The following LRP1B variants were observed in gnomAD, a reference collection of about 807,000 sequenced individuals.
LRP1B encodes the protein LDL receptor related protein 1B.
Under a neutral mutation model 556.6 loss-of-function variants are expected in LRP1B, and 217 were observed. That is an observed-to-expected ratio of 0.39 (90% CI 0.35 to 0.44). The LOEUF (loss-of-function observed/expected upper bound fraction) is 0.44, where lower values mean the gene tolerates loss of function less well. Among genes scored for constraint, LRP1B ranks in the 20% least tolerant of loss-of-function variants. LRP1B has a pLI of 1.00. For synonymous variants in LRP1B, 2,047 were observed against 1,865.8 expected (o/e 1.10, Z -2.50); for missense variants, 5,053 against 5,620.8 (o/e 0.90, Z 3.23).
chr2:141,692,298 C>G (rs554749998), intron 2 of LRP1B, among the ~76,000 whole-genome samples: 2 of 151,904 alleles, frequency 1.3e-5, no homozygotes, highest in Non-Finnish European at 2.9e-5. Context: ...TGATCTGGGC[C>G]CTTTTCCATC....
chr2:140,653,317 T>A (rs1310307642), intron 41 of LRP1B, among the ~76,000 whole-genome samples: 1 of 152,102 alleles, frequency 6.6e-6, no homozygotes, highest in Admixed American at 6.5e-5. Context: ...CTTGAATATT[T>A]CAGGATAAGG....
chr2:141,775,604 G>T (rs1014934813), intron 2 of LRP1B, among the ~76,000 whole-genome samples: 1 of 152,056 alleles, frequency 6.6e-6, no homozygotes, highest in African/African-American at 2.4e-5. Context: ...GCACTTGAGG[G>T]TTATTACCTG....
chr2:141,105,944 G>A (rs867791102), intron 7 of LRP1B, among the ~76,000 whole-genome samples: 2 of 152,214 alleles, frequency 1.3e-5, no homozygotes, highest in Middle Eastern at 3.4e-3. Context: ...CACCTTGAGA[G>A]CAGTGAAAGT....
chr2:140,575,741 A>T (rs1574096248), intron 43 of LRP1B, among the ~76,000 whole-genome samples: 1 of 151,946 alleles, frequency 6.6e-6, no homozygotes, highest in Non-Finnish European at 1.5e-5. Context: ...CCTGGCCAAC[A>T]TAGTGAAACC....
intron 3 of LRP1B, among the ~76,000 whole-genome samples, chr2:141,462,134 G>A (rs950831447): frequency 5.9e-5 from 9 of 152,086 alleles, no homozygotes; most frequent in African/African-American, 2.2e-4. Flanking sequence ...CATACAATGT[G>A]TTGTCTTTTA....
intron 35 of LRP1B, among the ~76,000 whole-genome samples, chr2:140,731,278 G>C (rs1217632772): frequency 6.6e-6 from 1 of 152,122 alleles, no homozygotes; most frequent in Non-Finnish European, 1.5e-5. Flanking sequence ...AGTTGACTGA[G>C]ATGGGCTCTC....
chr2:141,030,557 C>T (rs1473087118), intron 11 of LRP1B, among the ~76,000 whole-genome samples: 4 of 152,008 alleles, frequency 2.6e-5, no homozygotes, highest in Non-Finnish European at 1.5e-5. Flanking sequence ...ATTTTTATAA[C>T]AAAGATAAAA....
At chr2:142,082,565 G>C (rs1327433324) in intron 1 of LRP1B, among the ~76,000 whole-genome samples, 2 of 152,158 alleles carry the variant, frequency 1.3e-5, no homozygotes, top group East Asian at 3.9e-4. Context: ...TCGTGTCCCA[G>C]GTGGCGCAGC....
At chr2:140,893,016 G>A (rs1235793449) in intron 23 of LRP1B, among the ~76,000 whole-genome samples, 1 of 152,108 alleles carries the variant, frequency 6.6e-6, no homozygotes, top group Non-Finnish European at 1.5e-5. Context: ...AGGAAGAGGG[G>A]TAGGCTTTCG....
intron 1 of LRP1B, among the ~76,000 whole-genome samples, chr2:141,920,051 T>C (rs1700142103): frequency 6.6e-6 from 1 of 151,934 alleles, no homozygotes; most frequent in African/African-American, 2.4e-5. Flanking sequence ...ACATGTAACC[T>C]TTTCAAAGGT....
At chr2:141,277,562 C>A (rs1022972716) in intron 3 of LRP1B, among the ~76,000 whole-genome samples, 18 of 151,968 alleles carry the variant, frequency 1.2e-4, no homozygotes, top group Non-Finnish European at 1.9e-4. Context: ...AACAGCAAAG[C>A]CATGATTAAA....
intron 31 of LRP1B, among the ~76,000 whole-genome samples, chr2:140,815,139 C>T (rs902320186): frequency 1.3e-5 from 2 of 149,922 alleles, no homozygotes; most frequent in Admixed American, 1.3e-4. Flanking sequence ...ATAATTCCTT[C>T]CCTTAAAAAA....
At chr2:140,870,446 C>A (rs574610565) in intron 25 of LRP1B, among the ~76,000 whole-genome samples, 26 of 152,282 alleles carry the variant, frequency 1.7e-4, no homozygotes, top group African/African-American at 6.0e-4. Context: ...CCTCAACCAT[C>A]TGGTCCTCTG....
intron 3 of LRP1B, among the ~76,000 whole-genome samples, chr2:141,257,255 CTCACAGAAAATAGAT>C (rs1401264896): frequency 6.6e-6 from 1 of 152,088 alleles, no homozygotes; most frequent in Non-Finnish European, 1.5e-5. Context: ...GGAAAGGTTT[CTCACAGAAAATAGAT>C]TCAGTTATAC....
chr2:141,014,069 T>C (rs1697831723), intron 13 of LRP1B, among the ~76,000 whole-genome samples: 1 of 152,082 alleles, frequency 6.6e-6, no homozygotes, highest in Non-Finnish European at 1.5e-5. Context: ...TTCCCTACTC[T>C]CATTCCTGTT....
chr2:140,910,385 T>C (rs1172178312), intron 21 of LRP1B, among the ~76,000 whole-genome samples: 1 of 151,820 alleles, frequency 6.6e-6, no homozygotes, highest in African/African-American at 2.4e-5. Flanking sequence ...ACTTGGCTTC[T>C]TATGCTATAA....
intron 77 of LRP1B, among the ~76,000 whole-genome samples, chr2:140,342,402 A>T (rs1355837245): frequency 1.3e-5 from 2 of 151,582 alleles, no homozygotes; most frequent in African/African-American, 4.8e-5. Context: ...TCTCTATCAT[A>T]GGGATTTCAT....
intron 35 of LRP1B, among the ~76,000 whole-genome samples, chr2:140,768,611 C>T (rs1230020483): frequency 2.6e-5 from 4 of 151,868 alleles, no homozygotes; most frequent in Non-Finnish European, 4.4e-5. Context: ...CCATTAATTC[C>T]CCATCACTTA....
At chr2:141,122,407 A>C (rs1315615569) in intron 7 of LRP1B, among the ~76,000 whole-genome samples, 2 of 3,840 alleles carry the variant, frequency 5.2e-4, no homozygotes, top group African/African-American at 7.8e-4. Flanking sequence ...ACTTACAAGA[A>C]AAAAAAAAAA....
Sources: gnomAD v4.1 joint callset for allele counts (sites outside exome capture counted in the v4.1 genomes callset) on GRCh38, gnomAD v4.1.1 for gene constraint, MANE v1.5 for transcripts, NCBI Gene and HGNC (gene_info 2026-07-23, HGNC 2026-07-21) for gene names.